Variants in DSCAM observed in about 807,000 individuals in gnomAD.
DSCAM encodes DS cell adhesion molecule.
DSCAM carries 47 observed loss-of-function variants against 217.7 expected under a neutral mutation model. The ratio of observed to expected loss-of-function variants is 0.22; its 90% CI spans 0.17 to 0.28. The LOEUF (loss-of-function observed/expected upper bound fraction) is 0.28, where lower values mean the gene tolerates loss of function less well. Among genes scored for constraint, DSCAM ranks in the 10% least tolerant of loss-of-function variants. The pLI, the probability that DSCAM is intolerant of heterozygous loss-of-function variation, is 1.00. For missense variants in DSCAM, 2,080 were observed against 2,618.3 expected (o/e 0.79, Z 4.49); for synonymous variants, 1,056 against 1,015.3 (o/e 1.04, Z -0.76).
intron 20 of DSCAM, among the ~76,000 whole-genome samples, chr21:40,116,141 C>G (rs1370627139): frequency 6.6e-6 from 1 of 152,022 alleles, no homozygotes; most frequent in Non-Finnish European, 1.5e-5. Context: ...ACACACAACA[C>G]AACAACAACA....
chr21:40,485,797 T>A (rs2076023157), intron 3 of DSCAM, among the ~76,000 whole-genome samples: 1 of 152,034 alleles, frequency 6.6e-6, no homozygotes, highest in Non-Finnish European at 1.5e-5. Flanking sequence ...TTATATTGTA[T>A]GTTATTATAT....
rs1238183573 is a variant in DSCAM at position 40,187,249 on chromosome 21, G to T, written c.2661C>A (p.Asp887Glu). 1 of 1,613,970 alleles carries T rather than the reference G, an allele frequency of 6.2e-7. No individual in the cohort carries two copies. The highest frequency in any genetic ancestry group is 1.1e-5 in the South Asian group (1 of 91,060). ...CATCTTTGATCTCAATTTCGGGAGGGTCTGGGGGCTCTGTGCCATCAACAG... is the reference window on the plus strand; with the variant it reads ...CATCTTTGATCTCAATTTCGGGAGGTTCTGGGGGCTCTGTGCCATCAACAG... The part of the protein sequence containing the change: ...IIQLTVQEPP[D>E]PPEIEIKDVK... Residue 887 changes from aspartate to glutamate, a missense_variant, in exon 14 of 33, where the codon GAC becomes GAA. Around this residue, in one of 5 missense-constraint regions of DSCAM, gnomAD observed 1,144 missense variants for 1,421.1 expected, o/e 0.81. Coordinates refer to ENST00000400454, the MANE Select transcript of DSCAM (RefSeq NM_001389.5).
At chr21:40,092,657 TTTTG>T (rs1388443634) in intron 21 of DSCAM, among the ~76,000 whole-genome samples, 2 of 152,186 alleles carry the variant, frequency 1.3e-5, no homozygotes, top group Non-Finnish European at 2.9e-5. Flanking sequence ...TGCAGTGTTT[TTTTG>T]TTTGTTTGTT....
In DSCAM at chr21:40,846,757, G is replaced by A. The variant is rs959399858; in HGVS notation, c.-96C>T. ...TCCGCTCGCCGCTCGGCACCTGCCC[G>A]GGGGCCGCCGCCCGCCCGCCGCCCG... On this transcript the variant is annotated 5_prime_UTR_variant, in exon 1 of 33. Coordinates refer to ENST00000400454, the MANE Select transcript of DSCAM (RefSeq NM_001389.5). 37 of 509,672 alleles carry A rather than the reference G, an allele frequency of 7.3e-5. No individual in the cohort carries two copies. Among genetic ancestry groups the A allele is most frequent in the Non-Finnish European group, 9.1e-5 (36 of 397,214 alleles). 31.6% of individuals were successfully genotyped at this position (509,672 alleles called of 1,614,324 possible).
intron 32 of DSCAM, among the ~76,000 whole-genome samples, chr21:40,029,650 C>T (rs1440309749): frequency 6.6e-6 from 1 of 152,146 alleles, no homozygotes; most frequent in Non-Finnish European, 1.5e-5. Context: ...CTGCACAGGT[C>T]AGCACTATTC....
chr21:40,816,216 G>A (rs2091880648), intron 1 of DSCAM, among the ~76,000 whole-genome samples: 2 of 152,220 alleles, frequency 1.3e-5, no homozygotes, highest in South Asian at 4.1e-4. Context: ...TGAAGCTTGA[G>A]CAAAGGCTCA....
intron 3 of DSCAM, among the ~76,000 whole-genome samples, chr21:40,582,903 C>T (rs1485592328): frequency 6.6e-6 from 1 of 152,038 alleles, no homozygotes; most frequent in Non-Finnish European, 1.5e-5. Flanking sequence ...AAGGAATTGC[C>T]TTTATATGTA....
intron 19 of DSCAM, among the ~76,000 whole-genome samples, chr21:40,127,911 C>CCCTTGGGATGCCATGATCCAGGG (rs1601358682): frequency 2.0e-5 from 3 of 152,062 alleles, no homozygotes; most frequent in Non-Finnish European, 4.4e-5. Flanking sequence ...CCACCCCGGG[C>CCCTTGGGATGCCATGATCCAGGG]CCTTGGGATG....
chr21:40,630,407 T>C (rs2089673943), intron 3 of DSCAM, among the ~76,000 whole-genome samples: 1 of 152,196 alleles, frequency 6.6e-6, no homozygotes, highest in Admixed American at 6.5e-5. Flanking sequence ...CAAGAGATTC[T>C]CGTGCCTCAG....
intron 1 of DSCAM, among the ~76,000 whole-genome samples, chr21:40,824,000 C>T (rs2091948934): frequency 6.6e-6 from 1 of 152,058 alleles, no homozygotes; most frequent in South Asian, 2.1e-4. Context: ...ATTAAACACA[C>T]AAGGCTATAA....
chr21:40,572,095 T>G (rs1021567600), intron 3 of DSCAM, among the ~76,000 whole-genome samples: 2 of 151,024 alleles, frequency 1.3e-5, no homozygotes, highest in South Asian at 2.1e-4. Flanking sequence ...GGTGTGTGTG[T>G]GTGTGTGTGT....
At chr21:40,834,756 AAAATG>A (rs1301267927) in intron 1 of DSCAM, among the ~76,000 whole-genome samples, 1 of 152,158 alleles carries the variant, frequency 6.6e-6, no homozygotes, top group African/African-American at 2.4e-5. Flanking sequence ...AGTGACTTTG[AAAATG>A]AATAAACCCA....
At chr21:40,533,526 T>C (rs1223039991) in intron 3 of DSCAM, among the ~76,000 whole-genome samples, 2 of 135,458 alleles carry the variant, frequency 1.5e-5, no homozygotes, top group African/African-American at 2.8e-5. Flanking sequence ...TCCATCCATC[T>C]GTCCATCCAT....
intron 3 of DSCAM, among the ~76,000 whole-genome samples, chr21:40,468,228 C>T (rs1457204781): frequency 1.3e-5 from 2 of 152,106 alleles, no homozygotes; most frequent in Non-Finnish European, 2.9e-5. Context: ...AATATCTGCC[C>T]TTTCTCCTTT....
At chr21:40,247,086 A>G (rs957189994) in intron 11 of DSCAM, among the ~76,000 whole-genome samples, 4 of 152,172 alleles carry the variant, frequency 2.6e-5, no homozygotes, top group African/African-American at 7.2e-5. Context: ...TGTATTCACT[A>G]TCATGAGAAT....
rs73359116 is a variant in DSCAM, at chr21:40,396,029, G to A, written c.509-26784C>T. On this transcript the variant is annotated intron_variant, in intron 3 of 32. Transcript: ENST00000400454. The stretch of plus-strand genomic sequence containing the variant: ...ACTTTATGCCTGTGCCTACGGAAGC[G>A]GGTCCCATGGAGGCTCCAACTCAGG... Among the ~76,000 whole-genome samples the A allele has an allele frequency of 3.1e-3, 465 of 152,210 alleles. 2 individuals are homozygous for A. The highest frequency in any genetic ancestry group is 0.011 in the African/African-American group (446 of 41,518).
intron 11 of DSCAM, among the ~76,000 whole-genome samples, chr21:40,270,574 T>C (rs1377699765): frequency 6.6e-6 from 1 of 152,150 alleles, no homozygotes; most frequent in Non-Finnish European, 1.5e-5. Flanking sequence ...AATTCAGAAA[T>C]GATGATTGAT....
intron 3 of DSCAM, among the ~76,000 whole-genome samples, chr21:40,553,123 G>C (rs1184207904): frequency 1.3e-5 from 2 of 152,140 alleles, no homozygotes; most frequent in Non-Finnish European, 2.9e-5. Flanking sequence ...AAAGGACAAA[G>C]CCTCTTAGGG....
intron 3 of DSCAM, among the ~76,000 whole-genome samples, chr21:40,661,882 T>G (rs2090142274): frequency 1.3e-5 from 2 of 152,226 alleles, no homozygotes; most frequent in African/African-American, 4.8e-5. Context: ...GTTCCCTGTT[T>G]GGCAAATAAG....
Sources: gnomAD v4.1 joint callset for allele counts (sites outside exome capture counted in the v4.1 genomes callset) on GRCh38, gnomAD v4.1.1 for gene constraint, gnomAD v4.1.1 regional missense constraint, MANE v1.5 for transcripts, NCBI Gene and HGNC (gene_info 2026-07-23, HGNC 2026-07-21) for gene names.